The following SLC10A7 variants were observed in gnomAD, a reference collection of about 807,000 sequenced individuals.
SLC10A7 encodes the protein solute carrier family 10 member 7, also known as sodium/bile acid cotransporter 7.
SLC10A7 carries 29 observed loss-of-function variants against 43.2 expected under a neutral mutation model. The observed-to-expected ratio is 0.67, with a 90% CI of 0.50 to 0.92. The LOEUF is 0.92. SLC10A7 is among the 40% of genes least tolerant of loss of function. The probability of loss-of-function intolerance (pLI) is 0.00; values close to 1 mark genes in which losing one functional copy is unlikely to be tolerated. For missense variants in SLC10A7, 295 were observed against 403.2 expected (o/e 0.73, Z 2.30); for synonymous variants, 152 against 144.8 (o/e 1.05, Z -0.35).
intron 4 of SLC10A7, among the ~76,000 whole-genome samples, chr4:146,462,665 A>T (rs1307899521): frequency 6.6e-6 from 1 of 152,206 alleles, no homozygotes; most frequent in African/African-American, 2.4e-5. Flanking sequence ...TCAAATTCTT[A>T]TTAAGGTTAT....
At chr4:146,511,174 A>G (rs1012627533) in intron 2 of SLC10A7, among the ~76,000 whole-genome samples, 9 of 152,212 alleles carry the variant, frequency 5.9e-5, no homozygotes, top group Non-Finnish European at 2.9e-5. Flanking sequence ...AAAAATGCAC[A>G]TTAAACATAA....
At chr4:146,519,112 T>TATAA (rs1553991185) in intron 1 of SLC10A7, among the ~76,000 whole-genome samples, 213 of 15,950 alleles carry the variant, frequency 0.013, 23 homozygotes, top group South Asian at 0.02. Flanking sequence ...TATATATATA[T>TATAA]AATATAATAT....
chr4:146,505,041 C>G (rs1381677225), intron 3 of SLC10A7, among the ~76,000 whole-genome samples: 3 of 152,030 alleles, frequency 2.0e-5, no homozygotes. Context: ...GGTAGCTGGC[C>G]TAAGTGGAAA....
At chr4:146,457,992 A>G (rs1732224469) in intron 4 of SLC10A7, among the ~76,000 whole-genome samples, 2 of 151,884 alleles carry the variant, frequency 1.3e-5, no homozygotes, top group African/African-American at 4.8e-5. Flanking sequence ...CGAGACCAGC[A>G]CTAACCTGAT....
At chr4:146,425,586 T>C (rs1453859429) in intron 5 of SLC10A7, among the ~76,000 whole-genome samples, 1 of 152,192 alleles carries the variant, frequency 6.6e-6, no homozygotes, top group Non-Finnish European at 1.5e-5. Flanking sequence ...TGTACCTCCC[T>C]CTTCCTGAAC....
At chr4:146,305,863 C>G (rs555430448) in intron 7 of SLC10A7, 63 bp downstream of exon 7, 2 of 1,403,282 alleles carry the variant, frequency 1.4e-6, no homozygotes, top group African/African-American at 2.9e-5. Flanking sequence ...ACTGCTCTGA[C>G]ATTATGTAAG....
intron 5 of SLC10A7, among the ~76,000 whole-genome samples, chr4:146,369,069 T>C (rs555035994): frequency 6.6e-6 from 1 of 152,194 alleles, no homozygotes; most frequent in Non-Finnish European, 1.5e-5. Context: ...TAACTTCCTA[T>C]TCATGATTAG....
intron 5 of SLC10A7, among the ~76,000 whole-genome samples, chr4:146,437,310 T>C (rs1414974355): frequency 6.6e-6 from 1 of 152,076 alleles, no homozygotes; most frequent in African/African-American, 2.4e-5. Context: ...GGTTGCATTG[T>C]GCAAAGGTGG....
At chr4:146,520,673 T>G (rs3914631) in intron 1 of SLC10A7, among the ~76,000 whole-genome samples, 58,505 of 151,950 alleles carry the variant, frequency 0.39, 11,443 homozygotes, top group East Asian at 0.57. Context: ...TACTATGAAA[T>G]ATTGTGCCTG....
At chr4:146,353,977 C>G (rs1388248363) in intron 5 of SLC10A7, among the ~76,000 whole-genome samples, 2 of 146,658 alleles carry the variant, frequency 1.4e-5, no homozygotes, top group African/African-American at 2.5e-5. Context: ...AAAACTGGCA[C>G]AAGACAGGGA....
chr4:146,357,295 A>G (rs72952506), intron 5 of SLC10A7, among the ~76,000 whole-genome samples: 1,669 of 152,328 alleles, frequency 0.011, 25 homozygotes, highest in African/African-American at 0.038. Context: ...CAGAGTTACC[A>G]GGAAGTTCCA....
chr4:146,283,095 C>T (rs542770569), intron 10 of SLC10A7, 97 bp downstream of exon 10: 3 of 947,660 alleles, frequency 3.2e-6, no homozygotes, highest in Non-Finnish European at 5.0e-6. Flanking sequence ...GGACAACACC[C>T]CATTCCATTT....
intron 6 of SLC10A7, among the ~76,000 whole-genome samples, chr4:146,319,075 G>C (rs1361850194): frequency 1.3e-5 from 2 of 152,030 alleles, no homozygotes; most frequent in Non-Finnish European, 2.9e-5. Flanking sequence ...AAGTACAGCA[G>C]AACATGCATT....
At chr4:146,277,045 C>A (rs1236008180) in intron 10 of SLC10A7, among the ~76,000 whole-genome samples, 1 of 152,106 alleles carries the variant, frequency 6.6e-6, no homozygotes, top group Admixed American at 6.6e-5. Flanking sequence ...GCTAAGCAAG[C>A]TATAAAGCAA....
chr4:146,504,477 C>A (rs1265387086), intron 3 of SLC10A7, among the ~76,000 whole-genome samples: 7 of 145,394 alleles, frequency 4.8e-5, no homozygotes, highest in Non-Finnish European at 8.9e-5. Flanking sequence ...CGAGATAGCG[C>A]CACTGCAGTC....
intron 5 of SLC10A7, among the ~76,000 whole-genome samples, chr4:146,431,451 T>C (rs528380731): frequency 1.3e-5 from 2 of 152,208 alleles, no homozygotes; most frequent in East Asian, 1.9e-4. Flanking sequence ...ATCTTGATTA[T>C]AAAACTAAAA....
intron 4 of SLC10A7, among the ~76,000 whole-genome samples, chr4:146,447,443 C>G (rs1430756187): frequency 6.6e-6 from 1 of 152,054 alleles, no homozygotes; most frequent in African/African-American, 2.4e-5. Flanking sequence ...TTGTTATTAT[C>G]TCCTTTGTTA....
At chr4:146,271,784 C>T (rs1728911769) in intron 10 of SLC10A7, among the ~76,000 whole-genome samples, 1 of 152,188 alleles carries the variant, frequency 6.6e-6, no homozygotes, top group African/African-American at 2.4e-5. Context: ...CTCCTCCTTC[C>T]TCCAACATGC....
chr4:146,510,610 C>A (rs991717788), intron 2 of SLC10A7, among the ~76,000 whole-genome samples: 3 of 151,960 alleles, frequency 2.0e-5, no homozygotes, highest in Non-Finnish European at 4.4e-5. Context: ...CACAATAAGC[C>A]CTAACAAATC....
Sources: allele counts gnomAD v4.1 joint callset (sites outside exome capture counted in the v4.1 genomes callset), GRCh38; gene constraint gnomAD v4.1.1; transcripts MANE v1.5; gene names NCBI Gene and HGNC (gene_info 2026-07-23, HGNC 2026-07-21).